Variants in SEPTIN11 observed in about 807,000 individuals in gnomAD.
SEPTIN11 encodes septin 11.
SEPTIN11 carries 25 observed loss-of-function variants against 51.4 expected under a neutral mutation model. The ratio of observed to expected loss-of-function variants is 0.49; its 90% CI spans 0.35 to 0.68. SEPTIN11 has a LOEUF of 0.68. Ranked by LOEUF, SEPTIN11 falls within the 30% of genes least tolerant of loss-of-function variation. The pLI, the probability that SEPTIN11 is intolerant of heterozygous loss-of-function variation, is 0.00. For synonymous variants in SEPTIN11, 174 were observed against 184.1 expected (o/e 0.95, Z 0.44); for missense variants, 381 against 520.8 (o/e 0.73, Z 2.61).
At chr4:76,956,013 T>C (rs1451990810) in intron 1 of SEPTIN11, among the ~76,000 whole-genome samples, 4 of 152,154 alleles carry the variant, frequency 2.6e-5, no homozygotes, top group Non-Finnish European at 5.9e-5. Flanking sequence ...CTCATTGGAT[T>C]TTATGAAAAC....
intron 4 of SEPTIN11, among the ~76,000 whole-genome samples, chr4:77,014,653 C>T (rs974850709): frequency 1.9e-4 from 26 of 138,030 alleles, no homozygotes; most frequent in African/African-American, 6.9e-4. Flanking sequence ...TCATTATCAT[C>T]TCTACCCCAA....
At chr4:76,952,322 AT>A (rs1346539015) in intron 1 of SEPTIN11, among the ~76,000 whole-genome samples, 1 of 152,192 alleles carries the variant, frequency 6.6e-6, no homozygotes, top group African/African-American at 2.4e-5. Flanking sequence ...TCCGAAGTTG[AT>A]TTATGTGTGA....
chr4:77,020,522 G>A lies in SEPTIN11; in HGVS notation c.805G>A (p.Asp269Asn), dbSNP rs1277967112. Reference protein sequence around the residue: ...VVQVENENHCDFVKLREMLIR... With the variant: ...VVQVENENHCNFVKLREMLIR... ...TGTAGTTGAGAATGAAAATCATTGC[G>A]ATTTTGTGAAACTTCGAGAGATGCT... The change falls in exon 7 of 10, where the codon GAT becomes AAT. Residue 269 changes from aspartate (D) to asparagine (N), a missense_variant. Physicochemically the swap from Asp to Asn is conservative, Grantham distance 23. This residue lies in a region of SEPTIN11 where 197 missense variants were observed against 313.1 expected (regional missense o/e 0.63). Transcript: ENST00000264893. 4 of 1,613,900 alleles carry A rather than the reference G, an allele frequency of 2.5e-6. No individual in the cohort carries two copies. Among genetic ancestry groups the A allele is most frequent in the South Asian group, 1.1e-5 (1 of 91,050 alleles).
chr4:77,036,537 CT>C lies in SEPTIN11; in HGVS notation c.*2030del. 7.2e-7 allele frequency: 1 copy of C among 1,394,986 alleles called. No individual in the cohort carries two copies. The highest frequency in any genetic ancestry group is 2.7e-5 in the East Asian group (1 of 36,548). The allele number at this position is 1,394,986 out of a possible 1,614,324, so 86.4% of individuals were successfully genotyped here. A position where few individuals can be genotyped will look rare whatever the true frequency, so the allele number is the denominator to read the frequency against. Reference sequence around the variant, plus strand: ...ATAACAACGAAAGGCATCCAGCTGACTTTTTGATTCCAAGATTATTGATTGG... The same window carrying C: ...ATAACAACGAAAGGCATCCAGCTGACTTTTGATTCCAAGATTATTGATTGG... On this transcript the variant is annotated 3_prime_UTR_variant, in exon 10 of 10. Coordinates refer to ENST00000264893, the MANE Select transcript of SEPTIN11 (RefSeq NM_018243.4).
At chr4:76,956,981 TGTGTGTGTGTGTGAGAGAGAGAGA>T (rs1721584749) in intron 1 of SEPTIN11, among the ~76,000 whole-genome samples, 1 of 139,516 alleles carries the variant, frequency 7.2e-6, no homozygotes, top group Non-Finnish European at 1.5e-5. Context: ...TGTGTGTGTG[TGTGTGTGTGTGTGAGAGAGAGAGA>T]GACAGAGACA....
At chr4:77,007,414 A>T (rs1392050320) in intron 3 of SEPTIN11, among the ~76,000 whole-genome samples, 1 of 152,166 alleles carries the variant, frequency 6.6e-6, no homozygotes, top group Non-Finnish European at 1.5e-5. Context: ...CATCCTCCAC[A>T]TAGCCTCTTG....
chr4:76,965,248 C>T (rs1320252163), intron 1 of SEPTIN11, among the ~76,000 whole-genome samples: 2 of 151,892 alleles, frequency 1.3e-5, no homozygotes, highest in African/African-American at 4.8e-5. Context: ...GTCAGGAGTT[C>T]GAGACCAGCC....
rs1349861129 is a variant in SEPTIN11, at chr4:77,035,446, C to T, written c.*934C>T. ...ACTTCTAATAACATTTTTCATGAATCATGAGAAAATTTCCACAGATACTTC... is the reference window on the plus strand; with the variant it reads ...ACTTCTAATAACATTTTTCATGAATTATGAGAAAATTTCCACAGATACTTC... On this transcript the variant is annotated 3_prime_UTR_variant, in exon 10 of 10. Transcript: ENST00000264893. 1.0e-6 allele frequency: 1 copy of T among 985,332 alleles called. No homozygotes were observed. The highest frequency in any genetic ancestry group is 1.2e-6 in the Non-Finnish European group (1 of 829,874). The allele number at this position is 985,332 out of a possible 1,614,324, so 61.0% of individuals were successfully genotyped here.
At chr4:76,953,769 C>G (rs75720847) in intron 1 of SEPTIN11, among the ~76,000 whole-genome samples, 263 of 152,286 alleles carry the variant, frequency 1.7e-3, no homozygotes, top group Non-Finnish European at 2.9e-3. Flanking sequence ...CTTTTAAAAT[C>G]TTTCGAAAGT....
rs970354884 is a variant in SEPTIN11 at position 77,032,862 on chromosome 4, A to G, written c.1275-1635A>G. Among the ~76,000 whole-genome samples, 11 of 152,230 alleles carry G rather than the reference A, an allele frequency of 7.2e-5. No individual in the cohort carries two copies. The South Asian group carries it at 1.9e-3, about 26-fold the overall frequency. On this transcript the variant is annotated intron_variant, in intron 9 of 9. Transcript: ENST00000264893. ...TAGTAACAAACTTCCCAGTGTAGGG[A>G]GGTTTTTCCTTGCCCTTTTGAACAT...
intron 4 of SEPTIN11, among the ~76,000 whole-genome samples, chr4:77,012,390 G>A (rs1471313057): frequency 6.6e-6 from 1 of 152,150 alleles, no homozygotes; most frequent in Admixed American, 6.5e-5. Context: ...TGTGATCCCT[G>A]AGCTTGCCAC....
At chr4:76,956,407 C>T (rs1028207034) in intron 1 of SEPTIN11, among the ~76,000 whole-genome samples, 1 of 152,206 alleles carries the variant, frequency 6.6e-6, no homozygotes, top group Non-Finnish European at 1.5e-5. Context: ...GACCAACATG[C>T]ATACAGACCT....
At chr4:77,005,212 A>T (rs1025416932) in intron 2 of SEPTIN11, among the ~76,000 whole-genome samples, 4 of 152,250 alleles carry the variant, frequency 2.6e-5, no homozygotes, top group African/African-American at 9.6e-5. Context: ...ATTCAACAGT[A>T]TAGTCTTTTA....
At chr4:76,993,933 C>T (rs1388982553) in intron 1 of SEPTIN11, among the ~76,000 whole-genome samples, 1 of 152,112 alleles carries the variant, frequency 6.6e-6, no homozygotes, top group Non-Finnish European at 1.5e-5. Context: ...ATATGAGATG[C>T]TGAGCTTTGG....
At chr4:76,981,309 G>T (rs1165785599) in intron 1 of SEPTIN11, among the ~76,000 whole-genome samples, 1 of 152,208 alleles carries the variant, frequency 6.6e-6, no homozygotes, top group Non-Finnish European at 1.5e-5. Context: ...AATGGAGGGG[G>T]TGGAGAGGAC....
downstream of SEPTIN11, chr4:77,039,647 T>TA (rs1373165431): frequency 1.5e-4 from 148 of 968,560 alleles, no homozygotes; most frequent in South Asian, 9.2e-4. Flanking sequence ...TTTGGGGTTT[T>TA]TAAAAAAAAA....
chr4:76,958,229 G>A (rs953839297), intron 1 of SEPTIN11, among the ~76,000 whole-genome samples: 2 of 152,178 alleles, frequency 1.3e-5, no homozygotes, highest in East Asian at 1.9e-4. Context: ...CTCTGCCATC[G>A]CCACCTGGGT....
rs994993139 is a variant in SEPTIN11, at chr4:77,034,771, G to A, written c.*259G>A. 3.4e-6 allele frequency: 4 copies of A among 1,182,278 alleles called. No homozygotes were observed. The highest frequency in any genetic ancestry group is 4.2e-6 in the Non-Finnish European group (4 of 955,018). The allele number at this position is 1,182,278 out of a possible 1,614,324, so 73.2% of individuals were successfully genotyped here. ...ATGATTTGCTTTTTATGCCTGTTCT[G>A]AATGGCAGCACGAAGCAGGCCTGTT... On this transcript the variant is annotated 3_prime_UTR_variant, in exon 10 of 10. Transcript: ENST00000264893.
At chr4:76,959,328 T>C (rs551821391) in intron 1 of SEPTIN11, among the ~76,000 whole-genome samples, 8 of 151,686 alleles carry the variant, frequency 5.3e-5, no homozygotes, top group African/African-American at 1.9e-4. Flanking sequence ...TGCTCAGGTT[T>C]GTCTCAAACC....
Sources: gnomAD v4.1 joint callset for allele counts (sites outside exome capture counted in the v4.1 genomes callset) on GRCh38, gnomAD v4.1.1 for gene constraint, gnomAD v4.1.1 regional missense constraint, MANE v1.5 for transcripts, NCBI Gene and HGNC (gene_info 2026-07-23, HGNC 2026-07-21) for gene names.